The following BTNL3 variants were observed in gnomAD, a reference collection of about 807,000 sequenced individuals.
The protein encoded by BTNL3 is butyrophilin like 3.
BTNL3 carries 20 observed loss-of-function variants against 40.1 expected under a neutral mutation model. That is an observed-to-expected ratio of 0.50 (90% CI 0.35 to 0.72). The LOEUF is 0.72. BTNL3 is among the 30% of genes least tolerant of loss of function. The pLI, the probability that BTNL3 is intolerant of heterozygous loss-of-function variation, is 0.01. For missense variants in BTNL3, 449 were observed against 582.2 expected, an observed-to-expected ratio of 0.77 and a Z score of 2.35; for synonymous variants, 179 against 222.1, an observed-to-expected ratio of 0.81 and a Z score of 1.73.
chr5:181,004,358 G>GC lies in BTNL3; in HGVS notation c.809-54dup, dbSNP rs1277744431. ...GGATTCCCTCCCACGCCCTCCCTGG[G>GC]CCCCCGCTCTGTGACGTCAGCCTCT... is the stretch of plus-strand genomic sequence containing the variant. On this transcript the variant is annotated intron_variant, in intron 5 of 7. Transcript: ENST00000342868. 1.0e-5 allele frequency: 8 copies of GC among 775,180 alleles called. No individual in the cohort carries two copies. In the Admixed American group the frequency reaches 1.9e-4, roughly 18 times the overall value. 48.0% of individuals were successfully genotyped at this position (775,180 alleles called of 1,614,324 possible). A position where few individuals can be genotyped will look rare whatever the true frequency, so the allele number is the denominator to read the frequency against.
chr5:181,002,909 C>G lies in BTNL3; in HGVS notation c.787+124C>G. The G allele has an allele frequency of 1.7e-6, 2 of 1,176,806 alleles. 1 individual carries two copies. Among genetic ancestry groups the G allele is most frequent in the East Asian group, 5.7e-5 (2 of 34,970 alleles). 72.9% of individuals were successfully genotyped at this position (1,176,806 alleles called of 1,614,324 possible). A position where few individuals can be genotyped will look rare whatever the true frequency, so the allele number is the denominator to read the frequency against. ...GCCCTAGGCCTACAGGGGCCACCAG[C>G]TGAGGCACAGGGAACCCAGTCTTCA... is the stretch of plus-strand genomic sequence containing the variant. On this transcript the variant is annotated intron_variant, in intron 4 of 7. Transcript: ENST00000342868.
At chr5:181,000,506 C>T (rs1760091898) in intron 3 of BTNL3, among the ~76,000 whole-genome samples, 1 of 137,036 alleles carries the variant, frequency 7.3e-6, no homozygotes, top group Non-Finnish European at 1.7e-5. Context: ...CATAATGTGT[C>T]ATTTAAAATC....
rs569312554 is a variant in BTNL3, at chr5:180,991,454, A to C, written c.50-1359A>C. ...CCAATCAAAGGGGGTGGGTACTTAG[A>C]AGGTGAAGGGAGTGGGCCTCCATCG... On this transcript the variant is annotated intron_variant, in intron 1 of 7. Transcript: ENST00000342868. Among the ~76,000 whole-genome samples, 14 of 136,944 alleles carry C rather than the reference A, an allele frequency of 1.0e-4. No individual in the cohort carries two copies. In the South Asian group the frequency reaches 3.0e-3, roughly 30 times the overall value. 89.8% of individuals were successfully genotyped at this position (136,944 alleles called of 152,430 possible).
chr5:180,997,663 T>C (rs1207946258), intron 3 of BTNL3, among the ~76,000 whole-genome samples, 175 bp downstream of exon 3: 1 of 136,298 alleles, frequency 7.3e-6, no homozygotes, highest in Non-Finnish European at 1.7e-5. Context: ...AAGGCAGAAG[T>C]AGAATAGTTT....
At chr5:180,995,645 C>T (rs1236582084) in intron 2 of BTNL3, among the ~76,000 whole-genome samples, 3 of 136,538 alleles carry the variant, frequency 2.2e-5, no homozygotes, top group African/African-American at 7.6e-5. Context: ...GATCATCTGG[C>T]ATAGTGGGAA....
At position 180,989,504 on chromosome 5, in the gene BTNL3, A is replaced by G. The variant is rs1388866425; in HGVS notation, c.49+427A>G. The stretch of plus-strand genomic sequence containing the variant: ...TTTAGGATGTTTGGAGAAAAAGACA[A>G]TGTGTCCAGTTATGCACATGCTGAG... On this transcript the variant is annotated intron_variant, in intron 1 of 7. Transcript: ENST00000342868. Among the ~76,000 whole-genome samples the G allele has an allele frequency of 6.6e-5, 9 of 136,732 alleles. 2 individuals are homozygous for G. Among genetic ancestry groups the G allele is most frequent in the Non-Finnish European group, 1.5e-4 (9 of 59,794 alleles). The allele number at this position is 136,732 out of a possible 152,430, so 89.7% of individuals were successfully genotyped here.
rs1360316462 is a variant in BTNL3, at chr5:181,005,738, A to G, written c.1267A>G (p.Thr423Ala). The change falls in exon 8 of 8, where the codon ACA becomes GCA. Residue 423 changes from threonine (T) to alanine (A), a missense_variant. By Grantham distance (58) the Thr-to-Ala change is moderately conservative. This residue lies in a region of BTNL3 where 126 missense variants were observed against 117.2 expected (regional missense o/e 1.07). Transcript: ENST00000342868. ...YEGGTISFFNTNDQSLIYTLL... is the reference protein window; with the variant it reads ...YEGGTISFFNANDQSLIYTLL... ...GGGTGGGACCATCTCCTTCTTCAATACAAATGACCAGTCCCTTATTTATAC... is the reference window on the plus strand; with the variant it reads ...GGGTGGGACCATCTCCTTCTTCAATGCAAATGACCAGTCCCTTATTTATAC... 1.2e-6 allele frequency: 2 copies of G among 1,614,044 alleles called. No homozygotes were observed. Among genetic ancestry groups the G allele is most frequent in the Non-Finnish European group, 1.7e-6 (2 of 1,179,990 alleles).
chr5:180,999,580 G>A (rs572389308), intron 3 of BTNL3, among the ~76,000 whole-genome samples: 1 of 136,588 alleles, frequency 7.3e-6, no homozygotes, highest in South Asian at 2.2e-4. Context: ...CGGGCAGATC[G>A]CTTGAGGTCA....
rs780078032 is a variant in BTNL3 at position 180,989,114 on chromosome 5, G to A, written c.49+37G>A. ...AGTTTGGACTGTTGTTTTTCTCCTT[G>A]TTGAATAATATTTTGAGTTCATTCA... On this transcript the variant is annotated intron_variant, in intron 1 of 7. Transcript: ENST00000342868. 1.3e-5 allele frequency: 18 copies of A among 1,415,640 alleles called. 4 individuals are homozygous for A. In the East Asian group the frequency reaches 3.9e-4, roughly 30 times the overall value. 87.7% of individuals were successfully genotyped at this position (1,415,640 alleles called of 1,614,324 possible).
At chr5:181,004,675 C>A (rs1156433989) in intron 6 of BTNL3, 61 bp from the exon 7 acceptor site, 3 of 1,613,728 alleles carry the variant, frequency 1.9e-6, no homozygotes, top group Non-Finnish European at 2.5e-6. Flanking sequence ...TCTTTCCCTT[C>A]TCCCTGCGCC....
Position 181,006,193 on chromosome 5 carries a change from A to C in BTNL3, c.*321A>C. 2.4e-6 allele frequency: 1 copy of C among 417,912 alleles called. No homozygotes were observed. Among genetic ancestry groups the C allele is most frequent in the Non-Finnish European group, 4.2e-6 (1 of 238,208 alleles). The allele number at this position is 417,912 out of a possible 1,614,324, so 25.9% of individuals were successfully genotyped here. ...GCTAAGCGATCTTGAACAAGTCACA[A>C]CCTCCCAGGCTCCTCATTTGCTAGT... On this transcript the variant is annotated 3_prime_UTR_variant, in exon 8 of 8. Coordinates refer to ENST00000342868, the MANE Select transcript of BTNL3 (RefSeq NM_197975.3).
rs1308040357 is a variant in BTNL3 at position 180,991,019 on chromosome 5, G to A, written c.50-1794G>A. On this transcript the variant is annotated intron_variant, in intron 1 of 7. Transcript: ENST00000342868. The stretch of plus-strand genomic sequence containing the variant: ...GCCACCCTGTGCCTGGGCTGAGGAG[G>A]TTCCAAAGGTTGCAAGAAGCCATCA... Among the ~76,000 whole-genome samples the A allele has an allele frequency of 5.1e-5, 7 of 136,962 alleles. 2 individuals carry two copies. Among genetic ancestry groups the A allele is most frequent in the Non-Finnish European group, 1.2e-4 (7 of 59,802 alleles). 89.9% of individuals were successfully genotyped at this position (136,962 alleles called of 152,430 possible). A position where few individuals can be genotyped will look rare whatever the true frequency, so the allele number is the denominator to read the frequency against.
At chr5:181,004,572 A>T (rs1419237019) in intron 6 of BTNL3, 129 bp downstream of exon 6, 1 of 1,516,374 alleles carries the variant, frequency 6.6e-7, no homozygotes. Flanking sequence ...GAAATTGCAG[A>T]TTCTGGGGGA....
At chr5:180,990,313 A>G (rs1377547016) in intron 1 of BTNL3, among the ~76,000 whole-genome samples, 3 of 137,898 alleles carry the variant, frequency 2.2e-5, no homozygotes, top group African/African-American at 7.5e-5. Flanking sequence ...CCTTAGAGGA[A>G]GTAACACTAT....
chr5:181,005,454 A>G lies in BTNL3; in HGVS notation c.983A>G (p.Lys328Arg), dbSNP rs1176993132. The G allele has an allele frequency of 6.2e-7, 1 of 1,614,106 alleles. No individual in the cohort carries two copies. The highest frequency in any genetic ancestry group is 8.5e-7 in the Non-Finnish European group (1 of 1,180,024). Reference protein sequence around the residue: ...VPHSEKRFTRKSVVASQGFQA... With the variant: ...VPHSEKRFTRRSVVASQGFQA... Reference sequence around the variant, plus strand: ...CACTCTGAGAAGAGATTTACAAGGAAGAGTGTGGTGGCTTCTCAGGGTTTC... The same window carrying G: ...CACTCTGAGAAGAGATTTACAAGGAGGAGTGTGGTGGCTTCTCAGGGTTTC... The change falls in exon 8 of 8, where the codon AAG becomes AGG. Residue 328 changes from lysine to arginine, a missense_variant. Physicochemically the swap from Lys to Arg is conservative, Grantham distance 26. This residue lies in a region of BTNL3 where 323 missense variants were observed against 464.9 expected (regional missense o/e 0.69). Transcript: ENST00000342868.
Position 180,990,273 on chromosome 5 carries a change from G to A in BTNL3, c.49+1196G>A, listed in dbSNP as rs1478471032. ...GCCTTTCTGTCTGCTTTCTGTTTCT[G>A]CATGAGGCAGCAGGGCATGCTGGAA... On this transcript the variant is annotated intron_variant, in intron 1 of 7. Coordinates refer to ENST00000342868, the MANE Select transcript of BTNL3 (RefSeq NM_197975.3). Among the ~76,000 whole-genome samples, 2 of 137,810 alleles carry A rather than the reference G, an allele frequency of 1.5e-5. 1 individual carries two copies. The highest frequency in any genetic ancestry group is 4.3e-4 in the East Asian group (2 of 4,696). The allele number at this position is 137,810 out of a possible 152,430, so 90.4% of individuals were successfully genotyped here. A position where few individuals can be genotyped will look rare whatever the true frequency, so the allele number is the denominator to read the frequency against.
rs1310155100 is a variant in BTNL3, at chr5:180,991,468, G to A, written c.50-1345G>A. Among the ~76,000 whole-genome samples the A allele has an allele frequency of 1.5e-5, 2 of 136,426 alleles. 1 individual carries two copies. The highest frequency in any genetic ancestry group is 3.4e-5 in the Non-Finnish European group (2 of 59,664). The allele number at this position is 136,426 out of a possible 152,430, so 89.5% of individuals were successfully genotyped here. A position where few individuals can be genotyped will look rare whatever the true frequency, so the allele number is the denominator to read the frequency against. On this transcript the variant is annotated intron_variant, in intron 1 of 7. Coordinates refer to ENST00000342868, the MANE Select transcript of BTNL3 (RefSeq NM_197975.3). The stretch of plus-strand genomic sequence containing the variant: ...TGGGTACTTAGAAGGTGAAGGGAGT[G>A]GGCCTCCATCGTTTGTGGTCTCTCT...
chr5:180,992,744 C>T lies in BTNL3; in HGVS notation c.50-69C>T, dbSNP rs1759985365. ...CCCCACCCCATACCCCACACTTCTC[C>T]ACCCACCAGAGCCCTGAGAAGGACT... On this transcript the variant is annotated intron_variant, in intron 1 of 7. Coordinates refer to ENST00000342868, the MANE Select transcript of BTNL3 (RefSeq NM_197975.3). 2.7e-5 allele frequency: 38 copies of T among 1,427,026 alleles called. 9 individuals carry two copies. In the East Asian group the frequency reaches 5.0e-4, roughly 19 times the overall value. 88.4% of individuals were successfully genotyped at this position (1,427,026 alleles called of 1,614,324 possible).
At chr5:180,990,847 G>A (rs1759959346) in intron 1 of BTNL3, among the ~76,000 whole-genome samples, 1 of 137,320 alleles carries the variant, frequency 7.3e-6, no homozygotes, top group African/African-American at 2.5e-5. Context: ...GCAGGTTGCT[G>A]CGGTGGCAAC....
Sources: allele counts gnomAD v4.1 joint callset (sites outside exome capture counted in the v4.1 genomes callset), GRCh38; gene constraint gnomAD v4.1.1; regional missense constraint gnomAD v4.1.1; transcripts MANE v1.5; gene names NCBI Gene and HGNC (gene_info 2026-07-23, HGNC 2026-07-21).